Variants in EPHA3 observed in about 807,000 individuals in gnomAD.
EPHA3 encodes ephrin type-A receptor 3.
Under a neutral mutation model 107.1 loss-of-function variants are expected in EPHA3, and 42 were observed. That is an observed-to-expected ratio of 0.39 (90% confidence interval 0.31 to 0.51). The LOEUF (loss-of-function observed/expected upper bound fraction) is 0.51, where lower values mean the gene tolerates loss of function less well. Among genes scored for constraint, EPHA3 ranks in the 20% least tolerant of loss-of-function variants. The pLI, the probability that EPHA3 is intolerant of heterozygous loss-of-function variation, is 0.78. For missense variants in EPHA3, 1,183 were observed against 1,211.2 expected, an observed-to-expected ratio of 0.98 and a Z score of 0.35; for synonymous variants, 461 against 424.8, an observed-to-expected ratio of 1.09 and a Z score of -1.05.
chr3:89,166,665 C>A (rs1460178118), intron 2 of EPHA3, among the ~76,000 whole-genome samples: 1 of 151,972 alleles, frequency 6.6e-6, no homozygotes, highest in East Asian at 1.9e-4. Context: ...CTCCTTTTTT[C>A]TTTTGCTTCT....
chr3:89,357,436 C>G (rs1707991040), intron 5 of EPHA3, among the ~76,000 whole-genome samples: 2 of 150,780 alleles, frequency 1.3e-5, no homozygotes, highest in African/African-American at 4.8e-5. Context: ...TTGTGCATAC[C>G]ATAGATATTT....
chr3:89,444,556 G>C (rs1205643038), intron 13 of EPHA3, among the ~76,000 whole-genome samples: 3 of 152,022 alleles, frequency 2.0e-5, no homozygotes, highest in African/African-American at 7.2e-5. Context: ...GTAGTTAACA[G>C]TGAGCTTTCC....
rs1167373646 is a variant in EPHA3, at chr3:89,369,890, A to C, written c.1307-25947A>C. On this transcript the variant is annotated intron_variant, in intron 5 of 16. Coordinates refer to ENST00000336596, the MANE Select transcript of EPHA3 (RefSeq NM_005233.6). ...TCAAAAGAAGACATTTATGCAGCCA[A>C]AAAACACATGAAAAAATGCTCACCA... is the stretch of plus-strand genomic sequence containing the variant. Among the ~76,000 whole-genome samples the C allele has an allele frequency of 2.5e-4, 33 of 130,300 alleles. No homozygotes were observed. In the South Asian group the frequency reaches 6.8e-3, roughly 27 times the overall value. 85.5% of individuals were successfully genotyped at this position (130,300 alleles called of 152,430 possible).
At chr3:89,170,761 A>G (rs1268365170) in intron 2 of EPHA3, among the ~76,000 whole-genome samples, 1 of 152,186 alleles carries the variant, frequency 6.6e-6, no homozygotes, top group Non-Finnish European at 1.5e-5. Flanking sequence ...CCCTTGAGTG[A>G]AGAAAAAGAA....
intron 3 of EPHA3, among the ~76,000 whole-genome samples, chr3:89,279,261 T>C (rs1705884902): frequency 6.6e-6 from 1 of 152,114 alleles, no homozygotes. Context: ...TCTTAAGTAA[T>C]GAGTTTGAAA....
At chr3:89,122,621 T>A (rs1707415564) in intron 1 of EPHA3, among the ~76,000 whole-genome samples, 1 of 152,206 alleles carries the variant, frequency 6.6e-6, no homozygotes, top group Non-Finnish European at 1.5e-5. Flanking sequence ...TTTCAAGGTG[T>A]GAATATTAGT....
intron 5 of EPHA3, among the ~76,000 whole-genome samples, chr3:89,343,769 G>A (rs560755335): frequency 1.3e-5 from 2 of 152,272 alleles, no homozygotes; most frequent in East Asian, 3.9e-4. Flanking sequence ...TAAATGAAGT[G>A]CACTGAATCA....
intron 3 of EPHA3, among the ~76,000 whole-genome samples, chr3:89,311,436 A>G (rs1706763625): frequency 6.6e-6 from 1 of 152,076 alleles, no homozygotes; most frequent in African/African-American, 2.4e-5. Flanking sequence ...AAATAGGGAC[A>G]AAAGGTGGTG....
chr3:89,186,007 CT>C, intron 2 of EPHA3, among the ~76,000 whole-genome samples: 1 of 151,750 alleles, frequency 6.6e-6, no homozygotes, highest in South Asian at 2.1e-4. Flanking sequence ...TTTACTTTCT[CT>C]TTTTTCTTTC....
chr3:89,280,503 A>C (rs1316311434), intron 3 of EPHA3, among the ~76,000 whole-genome samples: 1 of 152,132 alleles, frequency 6.6e-6, no homozygotes, highest in Admixed American at 6.6e-5. Context: ...GGATGTTTCT[A>C]TTCTCATTGA....
chr3:89,234,986 C>T (rs1212967267), intron 3 of EPHA3, among the ~76,000 whole-genome samples: 8 of 143,896 alleles, frequency 5.6e-5, no homozygotes, highest in Non-Finnish European at 1.5e-5. Context: ...CTTCCCTCCT[C>T]CTTTCTTTTT....
At chr3:89,391,664 A>C (rs1242710137) in intron 5 of EPHA3, among the ~76,000 whole-genome samples, 3 of 150,724 alleles carry the variant, frequency 2.0e-5, no homozygotes, top group Non-Finnish European at 4.4e-5. Context: ...CCATCTCCTG[A>C]CCTCATGATC....
intron 1 of EPHA3, among the ~76,000 whole-genome samples, chr3:89,110,253 GAATATATTCTTC>G (rs1160898339): frequency 7.2e-5 from 11 of 151,820 alleles, no homozygotes; most frequent in Non-Finnish European, 1.3e-4. Flanking sequence ...ATATTTACTA[GAATATATTCTTC>G]AATCTGTTAT....
chr3:89,113,955 A>C (rs1441853491), intron 1 of EPHA3, among the ~76,000 whole-genome samples: 1 of 152,156 alleles, frequency 6.6e-6, no homozygotes, highest in Admixed American at 6.5e-5. Context: ...ATGTTATTAA[A>C]CTAGAAGCCC....
rs1704169422 is a variant in EPHA3 at position 89,129,876 on chromosome 3, G to T, written c.153+2603G>T. ...ACAAGTAATAGCTGGAAATAACTTT[G>T]AGTTTGTTATTTTTCAAATTAATTA... is the stretch of plus-strand genomic sequence containing the variant. On this transcript the variant is annotated intron_variant, in intron 2 of 16. Coordinates refer to ENST00000336596, the MANE Select transcript of EPHA3 (RefSeq NM_005233.6). Among the ~76,000 whole-genome samples, 4 of 152,070 alleles carry T rather than the reference G, an allele frequency of 2.6e-5. No homozygotes were observed. The South Asian group carries it at 8.3e-4, about 32-fold the overall frequency.
intron 9 of EPHA3, among the ~76,000 whole-genome samples, chr3:89,409,356 G>A (rs1469488262): frequency 6.6e-6 from 1 of 151,940 alleles, no homozygotes; most frequent in African/African-American, 2.4e-5. Flanking sequence ...ATAAATTAGA[G>A]CAGTGGCATT....
intron 1 of EPHA3, among the ~76,000 whole-genome samples, chr3:89,120,016 A>G (rs1707341460): frequency 6.6e-6 from 1 of 152,138 alleles, no homozygotes; most frequent in Non-Finnish European, 1.5e-5. Flanking sequence ...AGCCTGTGCT[A>G]TCTGGATGTC....
chr3:89,302,163 A>G (rs1481851888), intron 3 of EPHA3, among the ~76,000 whole-genome samples: 4 of 152,138 alleles, frequency 2.6e-5, no homozygotes, highest in Non-Finnish European at 5.9e-5. Flanking sequence ...TAAATCTATG[A>G]AATTCAAAAA....
chr3:89,427,341 T>A (rs1286026968), intron 11 of EPHA3, among the ~76,000 whole-genome samples: 3 of 151,886 alleles, frequency 2.0e-5, no homozygotes. Context: ...ATCAAAGAGT[T>A]TTTTACACAT....
Sources: allele counts gnomAD v4.1 joint callset (sites outside exome capture counted in the v4.1 genomes callset), GRCh38; gene constraint gnomAD v4.1.1; transcripts MANE v1.5; gene names NCBI Gene and HGNC (gene_info 2026-07-23, HGNC 2026-07-21).